Variants in FHIP1A observed in about 807,000 individuals in gnomAD.
FHIP1A encodes FHF complex subunit HOOK interacting protein 1A.
In FHIP1A, 61 loss-of-function variants were observed where a neutral mutation model predicts 88.6. That is an observed-to-expected ratio of 0.69 (90% CI 0.56 to 0.85). The LOEUF (loss-of-function observed/expected upper bound fraction) is 0.85, where lower values mean the gene tolerates loss of function less well. Among genes scored for constraint, FHIP1A ranks in the 40% least tolerant of loss-of-function variants. FHIP1A has a pLI of 0.00. For missense variants in FHIP1A, 1,154 were observed against 1,273.5 expected (o/e 0.91, Z 1.43); for synonymous variants, 478 against 496.0 (o/e 0.96, Z 0.48).
At chr4:151,590,434 T>G (rs1734380512) in intron 7 of FHIP1A, among the ~76,000 whole-genome samples, 1 of 152,220 alleles carries the variant, frequency 6.6e-6, no homozygotes, top group Non-Finnish European at 1.5e-5. Context: ...GAAAGCCACC[T>G]CAGAGAGCTG....
chr4:151,451,038 A>T (rs985199598), intron 1 of FHIP1A, among the ~76,000 whole-genome samples: 5 of 152,226 alleles, frequency 3.3e-5, no homozygotes, highest in Middle Eastern at 6.8e-3. Flanking sequence ...TAGGCCTCCC[A>T]GAGTGTTGGG....
At chr4:151,411,357 T>TG (rs1732638055) in intron 1 of FHIP1A, among the ~76,000 whole-genome samples, 1 of 146,298 alleles carries the variant, frequency 6.8e-6, no homozygotes, top group Admixed American at 6.8e-5. Context: ...ATATTTTTTT[T>TG]TTTTTAAAGT....
In FHIP1A at chr4:151,566,174, A is replaced by G. The variant is rs1733377825; in HGVS notation, c.-86A>G. ...TGACAATGAAATGTGAAGAAGTTAC[A>G]TTTCTCAAACTTGAAAGTTAGTGAC... On this transcript the variant is annotated 5_prime_UTR_variant, in exon 4 of 14. Coordinates refer to ENST00000435205, the MANE Select transcript of FHIP1A (RefSeq NM_001109977.3). 3 of 738,462 alleles carry G rather than the reference A, an allele frequency of 4.1e-6. No homozygotes were observed. Among genetic ancestry groups the G allele is most frequent in the Non-Finnish European group, 4.4e-6 (2 of 458,484 alleles). The allele number at this position is 738,462 out of a possible 1,614,324, so 45.7% of individuals were successfully genotyped here.
At chr4:151,442,322 C>T (rs1728441924) in intron 1 of FHIP1A, among the ~76,000 whole-genome samples, 1 of 151,796 alleles carries the variant, frequency 6.6e-6, no homozygotes, top group Admixed American at 6.6e-5. Context: ...AACAGAAGCC[C>T]ACTCAAATTA....
intron 3 of FHIP1A, among the ~76,000 whole-genome samples, chr4:151,564,550 T>C (rs1025499429): frequency 2.6e-5 from 4 of 152,222 alleles, no homozygotes; most frequent in African/African-American, 7.2e-5. Context: ...CCACTCTTGA[T>C]GTTTGAAACA....
At chr4:151,528,005 A>G (rs1731743732) in intron 3 of FHIP1A, among the ~76,000 whole-genome samples, 1 of 152,194 alleles carries the variant, frequency 6.6e-6, no homozygotes, top group South Asian at 2.1e-4. Context: ...CAGAAGCCCA[A>G]GCGTTATCTC....
chr4:151,565,638 A>G (rs1366662140), intron 3 of FHIP1A, among the ~76,000 whole-genome samples: 1 of 152,046 alleles, frequency 6.6e-6, no homozygotes, highest in Non-Finnish European at 1.5e-5. Context: ...ACCTCCCCCA[A>G]GTTGCATCAA....
chr4:151,667,650 T>C lies in FHIP1A; in HGVS notation c.*4896T>C, dbSNP rs1285900278. Among the ~76,000 whole-genome samples, 1 of 152,228 alleles carries C rather than the reference T, an allele frequency of 6.6e-6. No homozygotes were observed. The highest frequency in any genetic ancestry group is 2.4e-5 in the African/African-American group (1 of 41,472). On this transcript the variant is annotated 3_prime_UTR_variant, in exon 14 of 14. Coordinates refer to ENST00000435205, the MANE Select transcript of FHIP1A (RefSeq NM_001109977.3). The stretch of plus-strand genomic sequence containing the variant: ...AAGGTGGGTGGAAGCCTTCAGTTCT[T>C]TGACCTCTTGCACGTAGAATCCTAA...
At chr4:151,441,245 A>G (rs907806999) in intron 1 of FHIP1A, among the ~76,000 whole-genome samples, 3 of 152,060 alleles carry the variant, frequency 2.0e-5, no homozygotes, top group Non-Finnish European at 4.4e-5. Context: ...TACAAAATTG[A>G]CTTAAAGTAA....
intron 1 of FHIP1A, among the ~76,000 whole-genome samples, chr4:151,419,740 C>T (rs1733055097): frequency 5.9e-5 from 1 of 17,008 alleles, no homozygotes; most frequent in South Asian, 1.6e-3. Flanking sequence ...TCCCTCCCCC[C>T]TCCCCCGACC....
At chr4:151,593,860 C>G (rs990075361) in intron 7 of FHIP1A, among the ~76,000 whole-genome samples, 2 of 152,170 alleles carry the variant, frequency 1.3e-5, no homozygotes, top group African/African-American at 4.8e-5. Flanking sequence ...AGAATGCTTC[C>G]AGCTTTTTCC....
chr4:151,619,402 A>G (rs1368774239), intron 7 of FHIP1A, among the ~76,000 whole-genome samples: 1 of 152,250 alleles, frequency 6.6e-6, no homozygotes, highest in East Asian at 1.9e-4. Flanking sequence ...GAGTTGTTGC[A>G]TGAGTAAGTC....
intron 1 of FHIP1A, among the ~76,000 whole-genome samples, chr4:151,410,625 A>T (rs1331847601): frequency 6.6e-6 from 1 of 152,224 alleles, no homozygotes; most frequent in Non-Finnish European, 1.5e-5. Flanking sequence ...GTTCACTTGT[A>T]CACCTGGCAC....
At chr4:151,511,696 C>T (rs545559426) in intron 3 of FHIP1A, among the ~76,000 whole-genome samples, 3 of 152,368 alleles carry the variant, frequency 2.0e-5, no homozygotes, top group Non-Finnish European at 4.4e-5. Context: ...GCACAGCAGT[C>T]TGAGATCAAA....
chr4:151,619,777 T>C (rs1207829505), intron 7 of FHIP1A, among the ~76,000 whole-genome samples: 1 of 152,240 alleles, frequency 6.6e-6, no homozygotes, highest in Non-Finnish European at 1.5e-5. Context: ...TTACAAAGCA[T>C]ATTTTATTTC....
chr4:151,635,880 T>C (rs72730109), intron 8 of FHIP1A, among the ~76,000 whole-genome samples: 2,323 of 152,140 alleles, frequency 0.015, 25 homozygotes, highest in Non-Finnish European at 0.026. Context: ...TTTATTTATG[T>C]GTTCTTTATC....
At chr4:151,571,753 T>C (rs565570965) in intron 4 of FHIP1A, among the ~76,000 whole-genome samples, 2 of 152,344 alleles carry the variant, frequency 1.3e-5, no homozygotes, top group South Asian at 4.1e-4. Context: ...TTTCTAAATA[T>C]CTTAGTAAAT....
At chr4:151,428,529 C>G (rs1410584999) in intron 1 of FHIP1A, among the ~76,000 whole-genome samples, 2 of 152,146 alleles carry the variant, frequency 1.3e-5, no homozygotes, top group Non-Finnish European at 2.9e-5. Context: ...CTCTCTTCTA[C>G]CTCACCCTTA....
chr4:151,622,425 G>C (rs1735782497), intron 7 of FHIP1A, among the ~76,000 whole-genome samples: 1 of 152,066 alleles, frequency 6.6e-6, no homozygotes. Context: ...TTGAAAGAAG[G>C]GTGTCGTGGG....
Sources: allele counts gnomAD v4.1 joint callset (sites outside exome capture counted in the v4.1 genomes callset), GRCh38; gene constraint gnomAD v4.1.1; transcripts MANE v1.5; gene names NCBI Gene and HGNC (gene_info 2026-07-23, HGNC 2026-07-21).